Variants in MYO16 observed in about 807,000 individuals in gnomAD.
The protein encoded by MYO16 is myosin XVI.
In MYO16, 94 loss-of-function variants were observed where a neutral mutation model predicts 205.3. That is an observed-to-expected ratio of 0.46 (90% CI 0.39 to 0.54). MYO16 has a LOEUF of 0.54. Ranked by LOEUF, MYO16 falls within the 20% of genes least tolerant of loss-of-function variation. MYO16 has a pLI of 0.00. For synonymous variants in MYO16, 988 were observed against 954.0 expected (o/e 1.04, Z -0.66); for missense variants, 2,315 against 2,387.5 (o/e 0.97, Z 0.63).
chr13:108,979,202 A>G (rs1161394497), intron 20 of MYO16, among the ~76,000 whole-genome samples: 1 of 151,730 alleles, frequency 6.6e-6, no homozygotes, highest in African/African-American at 2.4e-5. Flanking sequence ...GTTTTATTAT[A>G]TCCTTCTTTT....
chr13:108,568,813 G>GT, the MYO16 span, among the ~76,000 whole-genome samples: 3 of 152,074 alleles, frequency 2.0e-5, no homozygotes, highest in African/African-American at 7.2e-5. Context: ...TCTTCAAAGA[G>GT]TTTTGCGGTT....
At chr13:108,973,336 A>T (rs1884126958) in intron 20 of MYO16, among the ~76,000 whole-genome samples, 1 of 126,888 alleles carries the variant, frequency 7.9e-6, no homozygotes, top group African/African-American at 2.8e-5. Context: ...GAAAAAAGAG[A>T]GAATGTTTCA....
intron 1 of MYO16, among the ~76,000 whole-genome samples, chr13:108,633,997 C>T (rs575116443): frequency 9.9e-5 from 15 of 152,212 alleles, no homozygotes; most frequent in African/African-American, 1.9e-4. Context: ...ACTCGAGTGA[C>T]GAATACCTAC....
At chr13:108,943,540 C>T (rs542118442) in intron 16 of MYO16, among the ~76,000 whole-genome samples, 1 of 152,210 alleles carries the variant, frequency 6.6e-6, no homozygotes, top group Non-Finnish European at 1.5e-5. Flanking sequence ...TCACTGCAAC[C>T]TCTGCCTCCT....
intron 20 of MYO16, among the ~76,000 whole-genome samples, chr13:108,988,811 G>A (rs1308517822): frequency 1.3e-5 from 2 of 152,174 alleles, no homozygotes; most frequent in Non-Finnish European, 2.9e-5. Flanking sequence ...GGACCTGAGA[G>A]CCTGACATAG....
At chr13:108,734,540 A>G (rs1394561141) in intron 4 of MYO16, among the ~76,000 whole-genome samples, 1 of 152,086 alleles carries the variant, frequency 6.6e-6, no homozygotes, top group African/African-American at 2.4e-5. Flanking sequence ...AACAAAATCC[A>G]TACTAGTTAG....
intron 22 of MYO16, among the ~76,000 whole-genome samples, chr13:109,018,493 G>A (rs535638905): frequency 4.6e-5 from 7 of 152,254 alleles, no homozygotes; most frequent in East Asian, 1.9e-4. Context: ...CTCAGACAAC[G>A]TGCTGGGAGA....
chr13:109,155,007 A>G (rs1172562560), intron 32 of MYO16, among the ~76,000 whole-genome samples: 1 of 151,890 alleles, frequency 6.6e-6, no homozygotes, highest in Non-Finnish European at 1.5e-5. Context: ...GACAGAATAA[A>G]TGGGCAAAAA....
At chr13:109,060,250 G>A (rs1887547009) in intron 27 of MYO16, among the ~76,000 whole-genome samples, 1 of 152,138 alleles carries the variant, frequency 6.6e-6, no homozygotes. Flanking sequence ...GCCCATCAAT[G>A]ATAGACTGGA....
chr13:108,565,793 C>T, the MYO16 span, among the ~76,000 whole-genome samples: 26 of 152,194 alleles, frequency 1.7e-4, no homozygotes, highest in Middle Eastern at 6.8e-3. Flanking sequence ...TTCCCCCATT[C>T]GGTATAATAT....
intron 2 of MYO16, among the ~76,000 whole-genome samples, chr13:108,698,159 T>C (rs79950788): frequency 0.028 from 4,188 of 152,272 alleles, 75 homozygotes; most frequent in Non-Finnish European, 0.042. Context: ...TGTGTCCCAA[T>C]TCCAAATTTC....
Position 109,127,939 on chromosome 13 carries a change from A to G in MYO16, c.4051+389A>G, listed in dbSNP as rs926088544. Among the ~76,000 whole-genome samples, 1 of 151,944 alleles carries G rather than the reference A, an allele frequency of 6.6e-6. No homozygotes were observed. Among genetic ancestry groups the G allele is most frequent in the Non-Finnish European group, 1.5e-5 (1 of 67,936 alleles). ...AAAATTAAGACTGCTTCATCATATG[A>G]TAAGTGAAATTATTTACCCATAGGA... On this transcript the variant is annotated intron_variant, in intron 31 of 34. Coordinates refer to ENST00000457511, the MANE Select transcript of MYO16 (RefSeq NM_001198950.3). This position sits in a 1 kb window ranked among gnomAD's most constrained non-coding sequence, Gnocchi z 4.2.
intron 9 of MYO16, among the ~76,000 whole-genome samples, chr13:108,827,515 T>A (rs1876341502): frequency 6.6e-6 from 1 of 152,158 alleles, no homozygotes; most frequent in Non-Finnish European, 1.5e-5. Flanking sequence ...ATATTTCACG[T>A]TTTCTAAGGT....
chr13:108,571,364 C>G, the MYO16 span, among the ~76,000 whole-genome samples: 248 of 149,970 alleles, frequency 1.7e-3, no homozygotes, highest in African/African-American at 5.3e-3. Context: ...AAAAATAATA[C>G]AAGTGGTGCT....
At chr13:108,515,904 C>G in the MYO16 span, among the ~76,000 whole-genome samples, 1 of 83,660 alleles carries the variant, frequency 1.2e-5, no homozygotes, top group Non-Finnish European at 2.5e-5. Flanking sequence ...ACACTTAAGT[C>G]TGCAGAGGTT....
intron 23 of MYO16, among the ~76,000 whole-genome samples, chr13:109,041,861 CT>C (rs3042905): frequency 0.22 from 31,151 of 143,702 alleles, 3,931 homozygotes; most frequent in African/African-American, 0.37. Context: ...TTCAAATTGC[CT>C]TTTTTTTTTT....
chr13:109,083,659 G>A (rs555812397), intron 27 of MYO16, among the ~76,000 whole-genome samples: 1 of 152,286 alleles, frequency 6.6e-6, no homozygotes, highest in South Asian at 2.1e-4. Flanking sequence ...CATACTTAAT[G>A]CTGGCTGGAT....
intron 28 of MYO16, among the ~76,000 whole-genome samples, chr13:109,109,719 A>G (rs1360877517): frequency 6.6e-6 from 1 of 150,696 alleles, no homozygotes; most frequent in East Asian, 1.9e-4. Context: ...TAAAAAACGA[A>G]CTTGCTCCAT....
chr13:108,637,027 C>G (rs565755017), intron 1 of MYO16, among the ~76,000 whole-genome samples: 8 of 152,266 alleles, frequency 5.3e-5, no homozygotes, highest in African/African-American at 1.7e-4. Context: ...CCTCAGATAT[C>G]CATATCTGTG....
Sources: allele counts gnomAD v4.1 joint callset (sites outside exome capture counted in the v4.1 genomes callset), GRCh38; gene constraint gnomAD v4.1.1; non-coding constraint Gnocchi (gnomAD v3.1); transcripts MANE v1.5; gene names NCBI Gene and HGNC (gene_info 2026-07-23, HGNC 2026-07-21).